The following RALGAPA1 variants were observed in gnomAD, a reference collection of about 807,000 sequenced individuals.
RALGAPA1 encodes ral GTPase-activating protein subunit alpha-1.
Under a neutral mutation model 269.6 loss-of-function variants are expected in RALGAPA1, and 52 were observed. The ratio of observed to expected loss-of-function variants is 0.19; its 90% CI spans 0.15 to 0.24. The LOEUF is 0.24. Ranked by LOEUF, RALGAPA1 falls within the 10% of genes least tolerant of loss-of-function variation. The probability of loss-of-function intolerance (pLI) is 1.00; values close to 1 mark genes in which losing one functional copy is unlikely to be tolerated. For missense variants in RALGAPA1, 1,917 were observed against 3,013.9 expected, an observed-to-expected ratio of 0.64 and a Z score of 8.52; for synonymous variants, 817 against 1,008.3, an observed-to-expected ratio of 0.81 and a Z score of 3.60.
chr14:35,728,484 T>C lies in RALGAPA1; in HGVS notation c.1614A>G (p.Ile538Met). Residue 538 changes from isoleucine to methionine, a missense_variant, in exon 13 of 42, where the codon ATA becomes ATG. This residue lies in a region of RALGAPA1 where 462 missense variants were observed against 725.6 expected (regional missense o/e 0.64). Coordinates refer to ENST00000680220, the MANE Select transcript of RALGAPA1 (RefSeq NM_001346249.2). ...LQVFIINSSN[I>M]FLLEPANEIK... Reference sequence around the variant, plus strand: ...TTTCATTTGCAGGTTCAAGAAGAAATATATTTGATGAGTTTATAATAAACA... The same window carrying C: ...TTTCATTTGCAGGTTCAAGAAGAAACATATTTGATGAGTTTATAATAAACA... 1 of 1,605,402 alleles carries C rather than the reference T, an allele frequency of 6.2e-7. No individual in the cohort carries two copies. The highest frequency in any genetic ancestry group is 8.5e-7 in the Non-Finnish European group (1 of 1,176,976).
chr14:35,617,218 A>G lies in RALGAPA1; in HGVS notation c.6929+8143T>C, dbSNP rs2060306689. 2.0e-5 allele frequency among the ~76,000 whole-genome samples: 3 copies of G among 152,174 alleles called. No individual in the cohort carries two copies. In the South Asian group the frequency reaches 6.2e-4, roughly 31 times the overall value. Reference sequence around the variant, plus strand: ...GGAGGGGGACTGGGAATGGTGGTTCACACCTGTAATCCCAGCACTTTGGGA... The same window carrying G: ...GGAGGGGGACTGGGAATGGTGGTTCGCACCTGTAATCCCAGCACTTTGGGA... On this transcript the variant is annotated intron_variant, in intron 35 of 41. Transcript: ENST00000680220.
chr14:35,672,125 AAGAG>A (rs1566967749), intron 25 of RALGAPA1, among the ~76,000 whole-genome samples: 1 of 152,190 alleles, frequency 6.6e-6, no homozygotes, highest in Non-Finnish European at 1.5e-5. Flanking sequence ...TCTAATAATT[AAGAG>A]AGTCATTTTA....
rs757649555 is a variant in RALGAPA1 at position 35,742,582 on chromosome 14, G to A, written c.1252-17C>T. 6.4e-7 allele frequency: 1 copy of A among 1,560,466 alleles called. No individual in the cohort carries two copies. The highest frequency in any genetic ancestry group is 1.1e-5 in the South Asian group (1 of 89,766). Reference sequence around the variant, plus strand: ...TAAAAATGCCTAGGGAAAAAAAGGAGAATCAAGATAATGATACTTTTTCCT... The same window carrying A: ...TAAAAATGCCTAGGGAAAAAAAGGAAAATCAAGATAATGATACTTTTTCCT... On this transcript the variant is annotated splice_polypyrimidine_tract_variant and intron_variant, in intron 10 of 41. Transcript: ENST00000680220.
chr14:35,619,325 T>C (rs1443284593), intron 35 of RALGAPA1, among the ~76,000 whole-genome samples: 1 of 152,140 alleles, frequency 6.6e-6, no homozygotes, highest in Non-Finnish European at 1.5e-5. Context: ...TATCAAAACA[T>C]CTTATGTACC....
chr14:35,614,320 G>A (rs1291163657), intron 35 of RALGAPA1, among the ~76,000 whole-genome samples: 3 of 152,156 alleles, frequency 2.0e-5, no homozygotes, highest in Non-Finnish European at 4.4e-5. Context: ...CAACTGAAAT[G>A]TCCATCGACT....
rs536079871 is a variant in RALGAPA1 at position 35,732,502 on chromosome 14, T to C, written c.1588-3992A>G. On this transcript the variant is annotated intron_variant, in intron 12 of 41. Transcript: ENST00000680220. ...AACTCACCAACCAACCATCTGCTGC[T>C]TTCAGGAGACTCAACAAACACAGAA... 2.6e-5 allele frequency among the ~76,000 whole-genome samples: 4 copies of C among 152,284 alleles called. No individual in the cohort carries two copies. The South Asian group carries it at 8.3e-4, about 32-fold the overall frequency.
intron 1 of RALGAPA1, among the ~76,000 whole-genome samples, chr14:35,800,937 G>A (rs1417253026): frequency 6.6e-6 from 1 of 151,912 alleles, no homozygotes; most frequent in Non-Finnish European, 1.5e-5. Context: ...CCTGGGAGGC[G>A]GAGGTTGCAG....
At chr14:35,804,570 AAAAT>A (rs71124718) in intron 1 of RALGAPA1, among the ~76,000 whole-genome samples, 9,384 of 145,684 alleles carry the variant, frequency 0.064, 623 homozygotes, top group African/African-American at 0.16. Flanking sequence ...CTCCATCTCA[AAAAT>A]AAATAAATAA....
At chr14:35,596,448 G>A (rs1472478304) in intron 36 of RALGAPA1, among the ~76,000 whole-genome samples, 1 of 151,746 alleles carries the variant, frequency 6.6e-6, no homozygotes, top group Non-Finnish European at 1.5e-5. Flanking sequence ...GGAAATACAG[G>A]AGAATAAAAA....
chr14:35,737,023 G>A (rs8009317), intron 12 of RALGAPA1, among the ~76,000 whole-genome samples: 3,186 of 146,016 alleles, frequency 0.022, 114 homozygotes, highest in African/African-American at 0.076. Context: ...GTGACAGACC[G>A]AGGCTCCATC....
Position 35,609,184 on chromosome 14 carries a change from G to A in RALGAPA1, c.6930-3475C>T, listed in dbSNP as rs545443305. Among the ~76,000 whole-genome samples, 16 of 150,566 alleles carry A rather than the reference G, an allele frequency of 1.1e-4. No homozygotes were observed. In the South Asian group the frequency reaches 1.5e-3, roughly 14 times the overall value. On this transcript the variant is annotated intron_variant, in intron 35 of 41. Coordinates refer to ENST00000680220, the MANE Select transcript of RALGAPA1 (RefSeq NM_001346249.2). ...AGAGGTTGCAGTGAGCCAAGACCGC[G>A]CCACTGCACTCCAGCCTAGGCGACA...
chr14:35,708,470 C>T (rs1043876370), intron 16 of RALGAPA1, among the ~76,000 whole-genome samples: 2 of 152,090 alleles, frequency 1.3e-5, no homozygotes, highest in African/African-American at 4.8e-5. Context: ...CAAGAGACGA[C>T]ATACAAATGA....
rs933997756 is a variant in RALGAPA1, at chr14:35,601,051, T to C, written c.7053+4535A>G. Among the ~76,000 whole-genome samples, 33 of 152,320 alleles carry C rather than the reference T, an allele frequency of 2.2e-4. 1 individual carries two copies. The highest frequency in any genetic ancestry group is 8.5e-4 in the Admixed American group (13 of 15,290). On this transcript the variant is annotated intron_variant, in intron 36 of 41. Transcript: ENST00000680220. ...TTATATGTTCCCTACTCAATCTCTGTTGACACCTGGGAAACAGGGAAGATC... is the reference window on the plus strand; with the variant it reads ...TTATATGTTCCCTACTCAATCTCTGCTGACACCTGGGAAACAGGGAAGATC...
At chr14:35,606,264 C>T (rs184642019) in intron 35 of RALGAPA1, among the ~76,000 whole-genome samples, 54 of 152,280 alleles carry the variant, frequency 3.5e-4, no homozygotes, top group Admixed American at 1.2e-3. Context: ...TATAGATGTA[C>T]TCACATAAAC....
At chr14:35,557,659 T>A (rs2055759222) in intron 39 of RALGAPA1, among the ~76,000 whole-genome samples, 1 of 152,210 alleles carries the variant, frequency 6.6e-6, no homozygotes, top group African/African-American at 2.4e-5. Flanking sequence ...AATGAATTAC[T>A]GTTTTTGAAA....
chr14:35,731,358 C>T (rs1337894496), intron 12 of RALGAPA1, among the ~76,000 whole-genome samples: 6 of 151,948 alleles, frequency 3.9e-5, no homozygotes, highest in African/African-American at 1.5e-4. Context: ...CATTAGCTCA[C>T]GAGCAATGGA....
chr14:35,661,114 G>C (rs1366404372), intron 27 of RALGAPA1, among the ~76,000 whole-genome samples: 1 of 152,028 alleles, frequency 6.6e-6, no homozygotes, highest in East Asian at 1.9e-4. Flanking sequence ...TAAGACAGTA[G>C]ATCTTGGTTT....
intron 16 of RALGAPA1, among the ~76,000 whole-genome samples, chr14:35,718,663 A>G (rs2069076170): frequency 6.6e-6 from 1 of 151,950 alleles, no homozygotes; most frequent in Admixed American, 6.6e-5. Flanking sequence ...TAAAAATACA[A>G]AAATTAGCCA....
intron 25 of RALGAPA1, among the ~76,000 whole-genome samples, chr14:35,672,212 T>C (rs1022062841): frequency 6.6e-6 from 1 of 152,188 alleles, no homozygotes; most frequent in East Asian, 1.9e-4. Flanking sequence ...CAGAAAGATA[T>C]TATCTTTTAA....
Sources: allele counts gnomAD v4.1 joint callset (sites outside exome capture counted in the v4.1 genomes callset), GRCh38; gene constraint gnomAD v4.1.1; regional missense constraint gnomAD v4.1.1; transcripts MANE v1.5; gene names NCBI Gene and HGNC (gene_info 2026-07-23, HGNC 2026-07-21).